ADAMTS2: variants seen among roughly 807,000 people sequenced by gnomAD.
ADAMTS2 encodes the protein A disintegrin and metalloproteinase with thrombospondin motifs 2.
In ADAMTS2, 50 loss-of-function variants were observed where a neutral mutation model predicts 123.0. That is an observed-to-expected ratio of 0.41 (90% confidence interval 0.32 to 0.51). The LOEUF is 0.51. Ranked by LOEUF, ADAMTS2 falls within the 20% of genes least tolerant of loss-of-function variation. The probability of loss-of-function intolerance (pLI) is 0.35; values close to 1 mark genes in which losing one functional copy is unlikely to be tolerated. For missense variants in ADAMTS2, 1,494 were observed against 1,705.2 expected (o/e 0.88, Z 2.18); for synonymous variants, 678 against 695.4 (o/e 0.98, Z 0.39).
In ADAMTS2 at chr5:179,317,302, C is replaced by T. The variant is rs190896653; in HGVS notation, c.534+26465G>A. On this transcript the variant is annotated intron_variant, in intron 2 of 21. Coordinates refer to ENST00000251582, the MANE Select transcript of ADAMTS2 (RefSeq NM_014244.5). This position sits in a 1 kb window ranked among gnomAD's most constrained non-coding sequence, Gnocchi z 4.9. ...AGCTATCCTTGTCCCTGAAGATGGA[C>T]TCAGCTAGCAGAGTCGCTGATATGG... 1.5e-3 allele frequency among the ~76,000 whole-genome samples: 230 copies of T among 152,316 alleles called. 1 individual carries two copies. The highest frequency in any genetic ancestry group is 5.3e-3 in the African/African-American group (219 of 41,572).
In ADAMTS2 at chr5:179,128,811, TTTC is replaced by T. The variant is rs1762906750; in HGVS notation, c.2458-696_2458-694del. Among the ~76,000 whole-genome samples the T allele has an allele frequency of 6.6e-6, 1 of 152,178 alleles. No homozygotes were observed. Among genetic ancestry groups the T allele is most frequent in the African/African-American group, 2.4e-5 (1 of 41,448 alleles). On this transcript the variant is annotated intron_variant, in intron 16 of 21. Transcript: ENST00000251582. This position sits in a 1 kb window ranked among gnomAD's most constrained non-coding sequence, Gnocchi z 4.9. ...AACGAAGCTTATTCAACACATGTAT[TTTC>T]TTCTTAAGACACCACTGCTTCCTGG... is the stretch of plus-strand genomic sequence containing the variant.
At chr5:179,238,921 C>G (rs905441283) in intron 3 of ADAMTS2, among the ~76,000 whole-genome samples, 1 of 152,050 alleles carries the variant, frequency 6.6e-6, no homozygotes, top group Non-Finnish European at 1.5e-5. Flanking sequence ...ACAGGAAATG[C>G]CCCAGTAGGC....
At position 179,115,678 on chromosome 5, in the gene ADAMTS2, G is replaced by C. The variant is rs1762644768; in HGVS notation, c.3179-1354C>G. On this transcript the variant is annotated intron_variant, in intron 21 of 21. Transcript: ENST00000251582. This position sits in a 1 kb window ranked among gnomAD's most constrained non-coding sequence, Gnocchi z 4.4. ...AAAGGAAAGGGAGGGAGGGACAAAAGGAAGAAAGGGAGGAGGAAAGGGAGG... is the reference window on the plus strand; with the variant it reads ...AAAGGAAAGGGAGGGAGGGACAAAACGAAGAAAGGGAGGAGGAAAGGGAGG... Among the ~76,000 whole-genome samples, 2 of 152,176 alleles carry C rather than the reference G, an allele frequency of 1.3e-5. No homozygotes were observed. Among genetic ancestry groups the C allele is most frequent in the East Asian group, 1.9e-4 (1 of 5,172 alleles).
intron 3 of ADAMTS2, among the ~76,000 whole-genome samples, chr5:179,233,548 G>C (rs1170320350): frequency 1.3e-5 from 2 of 152,142 alleles, no homozygotes; most frequent in Non-Finnish European, 2.9e-5. Context: ...TTAGCCAGGC[G>C]TGTTGGCAGG....
intron 2 of ADAMTS2, among the ~76,000 whole-genome samples, chr5:179,301,707 T>C (rs1356600644): frequency 6.6e-6 from 1 of 152,240 alleles, no homozygotes; most frequent in Non-Finnish European, 1.5e-5. Flanking sequence ...TGGGCTTAAG[T>C]ATGCTGAACT....
chr5:179,302,199 T>C lies in ADAMTS2; in HGVS notation c.535-29135A>G, dbSNP rs192967380. On this transcript the variant is annotated intron_variant, in intron 2 of 21. Transcript: ENST00000251582. ...GGTGATGGCCGGGTGCGGTGGCTCA[T>C]GCCTGTAATCCCAGCATTTTGGGAG... is the stretch of plus-strand genomic sequence containing the variant. Among the ~76,000 whole-genome samples, 1,510 of 151,958 alleles carry C rather than the reference T, an allele frequency of 9.9e-3. 35 individuals carry two copies. Among genetic ancestry groups the C allele is most frequent in the African/African-American group, 0.033 (1,372 of 41,438 alleles).
At chr5:179,157,028 A>G (rs1436044859) in intron 6 of ADAMTS2, among the ~76,000 whole-genome samples, 1 of 148,410 alleles carries the variant, frequency 6.7e-6, no homozygotes, top group African/African-American at 2.5e-5. Context: ...CAGTGGCACA[A>G]TCTCGGCTCA....
chr5:179,201,116 G>A (rs1379394677), intron 4 of ADAMTS2, among the ~76,000 whole-genome samples: 1 of 152,186 alleles, frequency 6.6e-6, no homozygotes, highest in Non-Finnish European at 1.5e-5. Context: ...GGTGTGAGGA[G>A]GTGGGGAGAC....
intron 5 of ADAMTS2, among the ~76,000 whole-genome samples, chr5:179,179,741 G>A (rs1454462611): frequency 2.0e-5 from 3 of 152,204 alleles, no homozygotes; most frequent in Non-Finnish European, 2.9e-5. Flanking sequence ...CTTGGTGGGT[G>A]TAGGGAAGTG....
intron 4 of ADAMTS2, among the ~76,000 whole-genome samples, chr5:179,198,098 A>G (rs1313853474): frequency 2.6e-5 from 4 of 152,158 alleles, no homozygotes; most frequent in Non-Finnish European, 5.9e-5. Context: ...ATGTTTCCCA[A>G]GCAGGAAAGG....
intron 5 of ADAMTS2, among the ~76,000 whole-genome samples, chr5:179,159,881 A>G (rs1288838898): frequency 6.6e-6 from 1 of 152,172 alleles, no homozygotes; most frequent in Admixed American, 6.5e-5. Flanking sequence ...TATCATTTCA[A>G]AAGCAAGGCT....
intron 5 of ADAMTS2, among the ~76,000 whole-genome samples, chr5:179,174,591 A>C (rs182774369): frequency 6.6e-4 from 101 of 152,374 alleles, no homozygotes; most frequent in African/African-American, 2.4e-3. Flanking sequence ...TTTATAACAC[A>C]ATAAGCATTC....
chr5:179,140,004 G>A lies in ADAMTS2; in HGVS notation c.1661C>T (p.Thr554Ile), dbSNP rs780165644. The change falls in exon 11 of 22, where the codon ACA becomes ATA. Residue 554 changes from threonine to isoleucine, a missense_variant. This residue lies in a region of ADAMTS2 where 953 missense variants were observed against 1,124.7 expected (regional missense o/e 0.85). Transcript: ENST00000251582. ...GCCGTCCCGTTTGAGGATGTCAGGT[G>A]TCAGCCAGATGCAGTGTCCTTTAAA... Reference protein sequence around the residue: ...HCFKGHCIWLTPDILKRDGSW... With the variant: ...HCFKGHCIWLIPDILKRDGSW... 1 of 1,614,186 alleles carries A rather than the reference G, an allele frequency of 6.2e-7. No individual in the cohort carries two copies. The highest frequency in any genetic ancestry group is 1.1e-5 in the South Asian group (1 of 91,088).
At chr5:179,265,829 C>T (rs527531808) in intron 3 of ADAMTS2, among the ~76,000 whole-genome samples, 4 of 152,368 alleles carry the variant, frequency 2.6e-5, no homozygotes, top group South Asian at 2.1e-4. Context: ...GCACGCCTCC[C>T]GGAGCCGCCT....
At chr5:179,157,987 C>CGG (rs1763513147) in intron 6 of ADAMTS2, among the ~76,000 whole-genome samples, 1 of 150,008 alleles carries the variant, frequency 6.7e-6, no homozygotes, top group African/African-American at 2.5e-5. Context: ...TTTTTTGAGA[C>CGG]AGAGTCTCGC....
chr5:179,329,253 G>T (rs1230308451), intron 2 of ADAMTS2, among the ~76,000 whole-genome samples: 1 of 151,494 alleles, frequency 6.6e-6, no homozygotes. Context: ...CGTGAACCCA[G>T]GAGGCAGAGC....
At position 179,287,184 on chromosome 5, in the gene ADAMTS2, A is replaced by C. The variant is rs544184274; in HGVS notation, c.535-14120T>G. Among the ~76,000 whole-genome samples the C allele has an allele frequency of 6.6e-5, 10 of 152,244 alleles. No homozygotes were observed. The East Asian group carries it at 1.9e-3, about 29-fold the overall frequency. On this transcript the variant is annotated intron_variant, in intron 2 of 21. Coordinates refer to ENST00000251582, the MANE Select transcript of ADAMTS2 (RefSeq NM_014244.5). Reference sequence around the variant, plus strand: ...GCCACTCTGGACAGGCCGGAAGGTCAATGCCAGGATCACTCCCCAGGGGCC... The same window carrying C: ...GCCACTCTGGACAGGCCGGAAGGTCCATGCCAGGATCACTCCCCAGGGGCC...
At chr5:179,207,745 C>A in intron 3 of ADAMTS2, 30 bp from the exon 4 acceptor site, 1 of 1,600,226 alleles carries the variant, frequency 6.2e-7, no homozygotes. Flanking sequence ...TCTTCAGCGG[C>A]AGGGCAAACC....
intron 2 of ADAMTS2, among the ~76,000 whole-genome samples, chr5:179,342,965 C>A (rs982447421): frequency 6.6e-6 from 1 of 152,232 alleles, no homozygotes; most frequent in Non-Finnish European, 1.5e-5. Flanking sequence ...GATCCCCTAG[C>A]CTCTCTCTTG....
Sources: allele counts gnomAD v4.1 joint callset (sites outside exome capture counted in the v4.1 genomes callset), GRCh38; gene constraint gnomAD v4.1.1; regional missense constraint gnomAD v4.1.1; non-coding constraint Gnocchi (gnomAD v3.1); transcripts MANE v1.5; gene names NCBI Gene and HGNC (gene_info 2026-07-23, HGNC 2026-07-21).